Variants in CDH8 observed in about 807,000 individuals in gnomAD.
The protein encoded by CDH8 is cadherin 8.
In CDH8, 17 loss-of-function variants were observed where a neutral mutation model predicts 68.1. That is an observed-to-expected ratio of 0.25 (90% CI 0.17 to 0.37). The LOEUF (loss-of-function observed/expected upper bound fraction) is 0.37, where lower values mean the gene tolerates loss of function less well. Ranked by LOEUF, CDH8 falls within the 10% of genes least tolerant of loss-of-function variation. The pLI is 1.00. For synonymous variants in CDH8, 372 were observed against 365.1 expected (o/e 1.02, Z -0.21); for missense variants, 763 against 999.3 (o/e 0.76, Z 3.19).
At position 61,808,213 on chromosome 16, in the gene CDH8, A is replaced by C. The variant is rs146320572; in HGVS notation, c.1277+9266T>G. On this transcript the variant is annotated intron_variant, in intron 7 of 11. Coordinates refer to ENST00000577390, the MANE Select transcript of CDH8 (RefSeq NM_001796.5). ...GCTTCTTCATCCATTTTGGTAGAGAAATGCTACTGTAATCAAAGAATGTGT... is the reference window on the plus strand; with the variant it reads ...GCTTCTTCATCCATTTTGGTAGAGACATGCTACTGTAATCAAAGAATGTGT... Among the ~76,000 whole-genome samples the C allele has an allele frequency of 5.7e-3, 874 of 152,328 alleles. 4 individuals are homozygous for C. Among genetic ancestry groups the C allele is most frequent in the Non-Finnish European group, 9.0e-3 (609 of 68,024 alleles).
At chr16:61,943,858 C>T (rs1337437233) in intron 2 of CDH8, among the ~76,000 whole-genome samples, 1 of 152,052 alleles carries the variant, frequency 6.6e-6, no homozygotes, top group Admixed American at 6.6e-5. Context: ...GGAAGATTCT[C>T]AAAGCAACAG....
intron 3 of CDH8, among the ~76,000 whole-genome samples, chr16:61,898,062 A>G (rs144399714): frequency 0.027 from 4,087 of 152,154 alleles, 181 homozygotes; most frequent in African/African-American, 0.092. Context: ...AGCACTTTGG[A>G]AGGCTGAAGG....
intron 2 of CDH8, among the ~76,000 whole-genome samples, chr16:61,997,027 G>A (rs554000609): frequency 6.6e-6 from 1 of 151,964 alleles, no homozygotes; most frequent in Non-Finnish European, 1.5e-5. Flanking sequence ...GTGTGTATGT[G>A]TGTGTTTAAG....
intron 3 of CDH8, among the ~76,000 whole-genome samples, chr16:61,893,571 G>A (rs747849528): frequency 2.0e-5 from 3 of 152,102 alleles, no homozygotes; most frequent in South Asian, 2.1e-4. Flanking sequence ...TCCTTTAAAC[G>A]GAACCAGATT....
chr16:61,715,174 A>AT (rs965395916), intron 9 of CDH8, among the ~76,000 whole-genome samples: 1 of 151,600 alleles, frequency 6.6e-6, no homozygotes, highest in Non-Finnish European at 1.5e-5. Flanking sequence ...TAAGTGTTTG[A>AT]TTTTTGTTAA....
intron 2 of CDH8, among the ~76,000 whole-genome samples, chr16:61,932,934 T>C (rs914164438): frequency 2.6e-5 from 4 of 152,132 alleles, no homozygotes; most frequent in South Asian, 2.1e-4. Context: ...CCAGGTGATA[T>C]TGAGGTTGTG....
chr16:61,884,200 G>A (rs1440851983), intron 3 of CDH8, among the ~76,000 whole-genome samples: 1 of 151,904 alleles, frequency 6.6e-6, no homozygotes, highest in Admixed American at 6.6e-5. Flanking sequence ...TTATATGCAG[G>A]GTCCACTTAC....
At chr16:61,736,112 A>AAGGAAGGAAGGAAGG (rs1959673020) in intron 8 of CDH8, among the ~76,000 whole-genome samples, 34 of 116,526 alleles carry the variant, frequency 2.9e-4, no homozygotes, top group African/African-American at 6.6e-4. Context: ...AGAAAGAAAG[A>AAGGAAGGAAGGAAGG]AAGGAAGGAA....
intron 2 of CDH8, among the ~76,000 whole-genome samples, chr16:61,917,378 C>T (rs1964257486): frequency 6.6e-6 from 1 of 152,168 alleles, no homozygotes; most frequent in Non-Finnish European, 1.5e-5. Context: ...AAAGACTGGT[C>T]AGACAGCCTG....
chr16:61,650,706 T>TGTGAGAGAGAGAGAGAGAGA lies in CDH8; in HGVS notation c.*2901_*2902insTCTCTCTCTCTCTCTCTCAC, dbSNP rs745949180. On this transcript the variant is annotated 3_prime_UTR_variant, in exon 12 of 12. Coordinates refer to ENST00000577390, the MANE Select transcript of CDH8 (RefSeq NM_001796.5). ...GTGTGTGTGTGTGTGTGTGTGTGTG[T>TGTGAGAGAGAGAGAGAGAGA]GAGAGAGAGAGAGAGAGAGAGAGAG... 1.1e-4 allele frequency: 13 copies of TGTGAGAGAGAGAGAGAGAGA among 116,594 alleles called. No homozygotes were observed. Among genetic ancestry groups the TGTGAGAGAGAGAGAGAGAGA allele is most frequent in the Non-Finnish European group, 1.8e-4 (10 of 56,170 alleles). The allele number at this position is 116,594 out of a possible 1,614,324, so 7.2% of individuals were successfully genotyped here. A position where few individuals can be genotyped will look rare whatever the true frequency, so the allele number is the denominator to read the frequency against.
chr16:61,675,651 T>C (rs1963892815), intron 10 of CDH8, among the ~76,000 whole-genome samples: 1 of 150,720 alleles, frequency 6.6e-6, no homozygotes, highest in Non-Finnish European at 1.5e-5. Flanking sequence ...AATAGTGTTA[T>C]CATTTATGAA....
chr16:61,789,370 T>G lies in CDH8; in HGVS notation c.1390A>C (p.Ile464Leu), dbSNP rs1304094380. The G allele has an allele frequency of 1.2e-6, 2 of 1,612,280 alleles. No individual in the cohort carries two copies. Among genetic ancestry groups the G allele is most frequent in the Admixed American group, 1.7e-5 (1 of 59,730 alleles). ...CTAATTTCAGTAGCAATGATTGTTATGTTGTGCCATACACTTAATTCTCTG... is the reference window on the plus strand; with the variant it reads ...CTAATTTCAGTAGCAATGATTGTTAGGTTGTGCCATACACTTAATTCTCTG... The part of the protein sequence containing the change: ...LDRELSVWHN[I>L]TIIATEIRNH... Residue 464 changes from isoleucine (I) to leucine (L), a missense_variant, in exon 8 of 12, where the codon ATA (isoleucine) becomes CTA (leucine). Coordinates refer to ENST00000577390, the MANE Select transcript of CDH8 (RefSeq NM_001796.5).
At chr16:61,962,287 G>C (rs1029707654) in intron 2 of CDH8, among the ~76,000 whole-genome samples, 9 of 152,194 alleles carry the variant, frequency 5.9e-5, no homozygotes, top group Non-Finnish European at 1.2e-4. Flanking sequence ...AAGTAAGCAT[G>C]TCTCCATGCA....
At chr16:61,792,851 G>A (rs1961410844) in intron 7 of CDH8, among the ~76,000 whole-genome samples, 1 of 151,992 alleles carries the variant, frequency 6.6e-6, no homozygotes, top group Non-Finnish European at 1.5e-5. Context: ...GTATAACACA[G>A]TGTGAAGGGC....
Position 61,800,311 on chromosome 16 carries a change from C to T in CDH8, c.1278-10829G>A, listed in dbSNP as rs751091095. Reference sequence around the variant, plus strand: ...CAATGTCTACCCACACGGTCTCACCCGGTCTTGTACAATTAAACAAATGCA... The same window carrying T: ...CAATGTCTACCCACACGGTCTCACCTGGTCTTGTACAATTAAACAAATGCA... On this transcript the variant is annotated intron_variant, in intron 7 of 11. Transcript: ENST00000577390. Among the ~76,000 whole-genome samples, 15 of 152,296 alleles carry T rather than the reference C, an allele frequency of 9.8e-5. No individual in the cohort carries two copies. The South Asian group carries it at 2.5e-3, about 25-fold the overall frequency.
At chr16:61,866,063 A>G (rs1219501247) in intron 3 of CDH8, among the ~76,000 whole-genome samples, 1 of 149,594 alleles carries the variant, frequency 6.7e-6, no homozygotes, top group Non-Finnish European at 1.5e-5. Context: ...ACAAAAATAT[A>G]AAAATTAGCT....
intron 4 of CDH8, among the ~76,000 whole-genome samples, chr16:61,848,035 T>C (rs1268545523): frequency 2.0e-5 from 3 of 152,072 alleles, no homozygotes; most frequent in Non-Finnish European, 4.4e-5. Flanking sequence ...AACAAACCTT[T>C]GTTGTTCTTC....
chr16:61,659,525 G>A (rs1262916839), intron 10 of CDH8, among the ~76,000 whole-genome samples: 2 of 152,038 alleles, frequency 1.3e-5, no homozygotes, highest in African/African-American at 2.4e-5. Flanking sequence ...CAAGAGGCAG[G>A]GACTCTTTTC....
At chr16:61,971,599 T>C (rs971699693) in intron 2 of CDH8, among the ~76,000 whole-genome samples, 1 of 152,192 alleles carries the variant, frequency 6.6e-6, no homozygotes, top group South Asian at 2.1e-4. Flanking sequence ...TTCAGTTCTT[T>C]TGAATTTTTA....
Sources: gnomAD v4.1 joint callset for allele counts (sites outside exome capture counted in the v4.1 genomes callset) on GRCh38, gnomAD v4.1.1 for gene constraint, MANE v1.5 for transcripts, NCBI Gene and HGNC (gene_info 2026-07-23, HGNC 2026-07-21) for gene names.